Variants in NSUN6 observed in about 807,000 individuals in gnomAD.
NSUN6 encodes NOP2/Sun RNA methyltransferase 6.
Under a neutral mutation model 58.0 loss-of-function variants are expected in NSUN6, and 64 were observed. The observed-to-expected ratio is 1.10, with a 90% CI of 0.90 to 1.36. The LOEUF (loss-of-function observed/expected upper bound fraction) is 1.36, where lower values mean the gene tolerates loss of function less well. Ranked by LOEUF, NSUN6 falls within the 40% of genes most tolerant of loss-of-function variation. The pLI is 0.00. For missense variants in NSUN6, 701 were observed against 550.1 expected, an observed-to-expected ratio of 1.27 and a Z score of -2.74; for synonymous variants, 231 against 193.9, an observed-to-expected ratio of 1.19 and a Z score of -1.59.
intron 3 of NSUN6, among the ~76,000 whole-genome samples, chr10:18,635,350 G>T (rs1330962015): frequency 1.3e-5 from 2 of 152,180 alleles, no homozygotes; most frequent in African/African-American, 4.8e-5. Flanking sequence ...GATAGGTTCT[G>T]TGAGTCTTAG....
At chr10:18,652,165 T>C, upstream of NSUN6, 3 of 985,280 alleles carry the variant, frequency 3.0e-6, no homozygotes, top group Non-Finnish European at 3.6e-6. Context: ...GGCTAACTGC[T>C]ACTTGTATCA....
chr10:18,601,258 T>C (rs1378296155), intron 6 of NSUN6, among the ~76,000 whole-genome samples: 3 of 151,914 alleles, frequency 2.0e-5, no homozygotes, highest in Non-Finnish European at 4.4e-5. Flanking sequence ...CAGCTCATGA[T>C]TTGAGTATCT....
At chr10:18,588,226 C>A (rs2057244341) in intron 7 of NSUN6, among the ~76,000 whole-genome samples, 1 of 152,202 alleles carries the variant, frequency 6.6e-6, no homozygotes, top group East Asian at 1.9e-4. Context: ...TTCCTCCTCA[C>A]TGGGCAGGGC....
intron 6 of NSUN6, among the ~76,000 whole-genome samples, chr10:18,600,308 C>G (rs887601809): frequency 1.3e-5 from 2 of 152,054 alleles, no homozygotes; most frequent in African/African-American, 4.8e-5. Context: ...CTGTCCTGTA[C>G]AATAATTTCA....
chr10:18,568,065 G>GTTCCA (rs1397898571), intron 8 of NSUN6, among the ~76,000 whole-genome samples: 2 of 139,400 alleles, frequency 1.4e-5, no homozygotes, highest in Non-Finnish European at 3.1e-5. Context: ...TCCATTTTCC[G>GTTCCA]TTCCATTCCA....
intron 8 of NSUN6, among the ~76,000 whole-genome samples, chr10:18,554,344 G>A (rs551159824): frequency 1.3e-5 from 2 of 151,394 alleles, no homozygotes; most frequent in East Asian, 2.0e-4. Context: ...GGAATGGAAT[G>A]GAGAGTGAAC....
At chr10:18,594,226 T>C (rs570713096) in intron 7 of NSUN6, among the ~76,000 whole-genome samples, 3 of 150,378 alleles carry the variant, frequency 2.0e-5, no homozygotes, top group African/African-American at 7.3e-5. Context: ...AAAGCAAGCC[T>C]GGTGACATTC....
In NSUN6 at chr10:18,614,527, C is replaced by T; in HGVS notation, c.508G>A (p.Val170Ile). Residue 170 changes from valine (V) to isoleucine (I), a missense_variant, in exon 5 of 11, where the codon GTA becomes ATA. Coordinates refer to ENST00000377304, the MANE Select transcript of NSUN6 (RefSeq NM_182543.5). ...TCAGAAATCCCATTTCCAAGAAATA[C>T]TTTTGTTCCATCAAATTCTTTGGCT... ...KGAKEFDGTKVFLGNGISELS... is the reference protein window; with the variant it reads ...KGAKEFDGTKIFLGNGISELS... The T allele has an allele frequency of 6.4e-7, 1 of 1,553,852 alleles. No homozygotes were observed. Among genetic ancestry groups the T allele is most frequent in the South Asian group, 1.2e-5 (1 of 82,458 alleles).
intron 9 of NSUN6, 71 bp downstream of exon 9, chr10:18,551,752 T>C (rs1418579505): frequency 3.8e-6 from 5 of 1,323,138 alleles, no homozygotes; most frequent in Admixed American, 3.5e-5. Flanking sequence ...GCTATGGAGA[T>C]TGCTGTCAGT....
chr10:18,550,946 G>A (rs1384212730), intron 9 of NSUN6, among the ~76,000 whole-genome samples: 1 of 151,860 alleles, frequency 6.6e-6, no homozygotes, highest in Non-Finnish European at 1.5e-5. Flanking sequence ...GGCTGGTCTC[G>A]AACTCCTGAC....
chr10:18,612,060 A>G (rs574928342), intron 5 of NSUN6, among the ~76,000 whole-genome samples: 1 of 152,182 alleles, frequency 6.6e-6, no homozygotes, highest in African/African-American at 2.4e-5. Flanking sequence ...TCCAAGGCAA[A>G]TATCCCCTGC....
intron 3 of NSUN6, among the ~76,000 whole-genome samples, chr10:18,637,438 T>C (rs891540611): frequency 1.3e-5 from 2 of 152,216 alleles, no homozygotes; most frequent in Admixed American, 6.5e-5. Flanking sequence ...AAAGTAAGTA[T>C]TGAAAATAAT....
intron 7 of NSUN6, among the ~76,000 whole-genome samples, chr10:18,591,109 C>A (rs943676299): frequency 2.0e-5 from 3 of 152,172 alleles, no homozygotes; most frequent in African/African-American, 7.2e-5. Flanking sequence ...CTATAAACCC[C>A]TCCATGCAAA....
intron 8 of NSUN6, among the ~76,000 whole-genome samples, chr10:18,585,166 A>G (rs2057075433): frequency 6.6e-6 from 1 of 152,156 alleles, no homozygotes; most frequent in Non-Finnish European, 1.5e-5. Context: ...ACAAAAAATA[A>G]TATATGCCGG....
chr10:18,655,960 T>C (rs1388922921), upstream of NSUN6, among the ~76,000 whole-genome samples: 1 of 152,230 alleles, frequency 6.6e-6, no homozygotes, highest in South Asian at 2.1e-4. Flanking sequence ...TTTGATCTAG[T>C]AGATATTTTG....
rs150923477 is a variant in NSUN6, at chr10:18,623,352, A to G, written c.312-7059T>C. On this transcript the variant is annotated intron_variant, in intron 3 of 10. Transcript: ENST00000377304. ...AATCCCATGGCAATGAAAGGGGGGG[A>G]AAAGAATAAAAATCTGAGGAGAAAA... Among the ~76,000 whole-genome samples, 168 of 152,258 alleles carry G rather than the reference A, an allele frequency of 1.1e-3. 1 individual carries two copies. The highest frequency in any genetic ancestry group is 0.01 in the Middle Eastern group (3 of 294).
chr10:18,564,255 T>C (rs2055758873), intron 8 of NSUN6, among the ~76,000 whole-genome samples: 1 of 151,382 alleles, frequency 6.6e-6, no homozygotes, highest in South Asian at 2.1e-4. Flanking sequence ...TCCATTCCAT[T>C]CCCATACATT....
upstream of NSUN6, chr10:18,652,609 G>T: frequency 1.1e-6 from 1 of 946,990 alleles, no homozygotes; most frequent in Non-Finnish European, 1.2e-6. Context: ...CGCCCAGACT[G>T]GAGTGGAATG....
intron 3 of NSUN6, among the ~76,000 whole-genome samples, chr10:18,626,596 T>G (rs1361572255): frequency 6.6e-6 from 1 of 152,108 alleles, no homozygotes; most frequent in Non-Finnish European, 1.5e-5. Context: ...GGTGAAACCC[T>G]GTCTCTACTA....
Sources: allele counts gnomAD v4.1 joint callset (sites outside exome capture counted in the v4.1 genomes callset), GRCh38; gene constraint gnomAD v4.1.1; transcripts MANE v1.5; gene names NCBI Gene and HGNC (gene_info 2026-07-23, HGNC 2026-07-21).